Variants in CWC22 observed in about 807,000 individuals in gnomAD.
The protein encoded by CWC22 is CWC22 spliceosome associated protein.
A neutral mutation model predicts 117.2 loss-of-function variants in CWC22; 53 were observed. The ratio of observed to expected loss-of-function variants is 0.45; its 90% confidence interval spans 0.36 to 0.57. The LOEUF is 0.57. Ranked by LOEUF, CWC22 falls within the 20% of genes least tolerant of loss-of-function variation. CWC22 has a pLI of 0.00. For synonymous variants in CWC22, 360 were observed against 355.6 expected (o/e 1.01, Z -0.14); for missense variants, 980 against 1,068.8 (o/e 0.92, Z 1.16).
intron 2 of CWC22, among the ~76,000 whole-genome samples, chr2:179,988,910 TTTC>T (rs1381502991): frequency 1.3e-5 from 2 of 151,762 alleles, no homozygotes; most frequent in African/African-American, 4.8e-5. Flanking sequence ...TTATTTTTTA[TTTC>T]TTTTTATTTT....
At chr2:179,989,227 T>C (rs1040743070) in intron 2 of CWC22, among the ~76,000 whole-genome samples, 2 of 137,414 alleles carry the variant, frequency 1.5e-5, no homozygotes, top group East Asian at 4.2e-4. Flanking sequence ...ATATTTTACT[T>C]CTATGTAATA....
intron 6 of CWC22, 39 bp from the exon 7 acceptor site, chr2:179,973,841 C>A: frequency 8.0e-7 from 1 of 1,252,664 alleles, no homozygotes; most frequent in Non-Finnish European, 1.1e-6. Flanking sequence ...CAACAATAAT[C>A]ACCAAATTAA....
At chr2:179,947,260 T>C (rs1304157858) in intron 19 of CWC22, among the ~76,000 whole-genome samples, 1 of 152,176 alleles carries the variant, frequency 6.6e-6, no homozygotes, top group Non-Finnish European at 1.5e-5. Flanking sequence ...ACTAAGGACC[T>C]ATTTCTCTGG....
chr2:179,954,923 T>G (rs1200464584), intron 15 of CWC22, 34 bp downstream of exon 15: 2 of 1,225,426 alleles, frequency 1.6e-6, no homozygotes, highest in Non-Finnish European at 1.2e-6. Context: ...CAATATTCGT[T>G]TTAAGAATTC....
At position 179,973,255 on chromosome 2, in the gene CWC22, T is replaced by C; in HGVS notation, c.751-9A>G. The C allele has an allele frequency of 3.1e-6, 5 of 1,591,190 alleles. No individual in the cohort carries two copies. Among genetic ancestry groups the C allele is most frequent in the Non-Finnish European group, 4.3e-6 (5 of 1,167,262 alleles). On this transcript the variant is annotated splice_polypyrimidine_tract_variant and intron_variant, in intron 7 of 19. Coordinates refer to ENST00000410053, the MANE Select transcript of CWC22 (RefSeq NM_020943.3). The stretch of plus-strand genomic sequence containing the variant: ...GCAGTCAGGCAAAGTTGCTGAAAAA[T>C]AAAGGTGGAAAGTTAACCTATAAAC...
At chr2:179,973,356 A>G in intron 7 of CWC22, 110 bp from the exon 8 acceptor site, 1 of 749,176 alleles carries the variant, frequency 1.3e-6, no homozygotes, top group South Asian at 1.9e-5. Flanking sequence ...CCACACAAGT[A>G]TAATTTTTAC....
intron 4 of CWC22, among the ~76,000 whole-genome samples, chr2:179,983,355 C>T (rs1687332969): frequency 1.3e-5 from 2 of 152,082 alleles, no homozygotes; most frequent in African/African-American, 2.4e-5. Context: ...TAAATGAGAA[C>T]ATGTGGTATT....
chr2:179,958,560 A>G (rs1434647569), intron 14 of CWC22, among the ~76,000 whole-genome samples: 1 of 151,402 alleles, frequency 6.6e-6, no homozygotes, highest in East Asian at 1.9e-4. Context: ...TTTTTTTGCA[A>G]ATTTTTGTTT....
chr2:179,947,938 G>C (rs148387289), intron 19 of CWC22, among the ~76,000 whole-genome samples: 1 of 152,136 alleles, frequency 6.6e-6, no homozygotes, highest in African/African-American at 2.4e-5. Flanking sequence ...CCCTTATTTG[G>C]ACCAAGATAC....
chr2:179,982,180 C>T (rs1258425087), intron 4 of CWC22, among the ~76,000 whole-genome samples, 183 bp from the exon 5 acceptor site: 1 of 152,070 alleles, frequency 6.6e-6, no homozygotes. Flanking sequence ...GAAGGCTTGA[C>T]AGGATTTAGA....
At chr2:179,963,343 T>TG (rs1315602320) in intron 13 of CWC22, among the ~76,000 whole-genome samples, 1 of 130,526 alleles carries the variant, frequency 7.7e-6, no homozygotes, top group Non-Finnish European at 1.6e-5. Context: ...TACTTTTTTT[T>TG]TTTTTTTTTT....
At chr2:179,961,890 A>C (rs1686761732) in intron 13 of CWC22, among the ~76,000 whole-genome samples, 1 of 152,122 alleles carries the variant, frequency 6.6e-6, no homozygotes, top group South Asian at 2.1e-4. Flanking sequence ...GGTTTAACAC[A>C]AATTAATAGC....
chr2:179,974,814 C>T (rs890848950), intron 6 of CWC22, among the ~76,000 whole-genome samples: 11 of 152,090 alleles, frequency 7.2e-5, no homozygotes, highest in Non-Finnish European at 1.2e-4. Context: ...TGCAGTGGGG[C>T]GATCTTGGCT....
chr2:179,963,641 C>G (rs1686815422), intron 13 of CWC22, among the ~76,000 whole-genome samples: 1 of 152,104 alleles, frequency 6.6e-6, no homozygotes, highest in Admixed American at 6.5e-5. Flanking sequence ...CGCGCCCGGC[C>G]ATATTTAATA....
intron 14 of CWC22, 109 bp downstream of exon 14, chr2:179,958,913 A>C: frequency 1.7e-6 from 1 of 581,562 alleles, no homozygotes; most frequent in South Asian, 2.6e-5. Context: ...TAAAAAATAA[A>C]TATTTAGTAC....
At position 179,950,606 on chromosome 2, in the gene CWC22, T is replaced by C; in HGVS notation, c.2046A>G (p.Ser682=). The C allele has an allele frequency of 1.2e-6, 2 of 1,613,114 alleles. No homozygotes were observed. Among genetic ancestry groups the C allele is most frequent in the Non-Finnish European group, 1.7e-6 (2 of 1,179,192 alleles). ...CACTGCTGTCAGAATCAGAGTCGGATGAGTCAGACTCTGAAGAGGAGGACG... is the reference window on the plus strand; with the variant it reads ...CACTGCTGTCAGAATCAGAGTCGGACGAGTCAGACTCTGAAGAGGAGGACG... ...SSASSSSESD[S]SDSDSDSSDS... is the part of the protein sequence containing the mutation. The change falls in exon 19 of 20, where the codon TCA becomes TCG. Residue 682 remains serine (S), a synonymous_variant. Transcript: ENST00000410053.
At chr2:179,999,148 A>G (rs965684208) in intron 1 of CWC22, among the ~76,000 whole-genome samples, 16 of 152,152 alleles carry the variant, frequency 1.1e-4, no homozygotes, top group Non-Finnish European at 2.9e-5. Context: ...AAAATGAATA[A>G]AGTATTGTCA....
Position 179,970,022 on chromosome 2 carries a change from C to T in CWC22, c.1210+479G>A, listed in dbSNP as rs534676920. Reference sequence around the variant, plus strand: ...GTCCAAAGTTAGTACTTACAATATACCAATGATGTACAAATGAAAATGATC... The same window carrying T: ...GTCCAAAGTTAGTACTTACAATATATCAATGATGTACAAATGAAAATGATC... On this transcript the variant is annotated intron_variant, in intron 11 of 19. Transcript: ENST00000410053. Among the ~76,000 whole-genome samples, 3 of 152,186 alleles carry T rather than the reference C, an allele frequency of 2.0e-5. No individual in the cohort carries two copies. In the East Asian group the frequency reaches 5.8e-4, roughly 29 times the overall value.
At chr2:179,961,617 A>C (rs1327257471) in intron 13 of CWC22, among the ~76,000 whole-genome samples, 1 of 152,018 alleles carries the variant, frequency 6.6e-6, no homozygotes, top group African/African-American at 2.4e-5. Flanking sequence ...ATTAGTACTG[A>C]GACAAAATCC....
Sources: gnomAD v4.1 joint callset for allele counts (sites outside exome capture counted in the v4.1 genomes callset) on GRCh38, gnomAD v4.1.1 for gene constraint, MANE v1.5 for transcripts, NCBI Gene and HGNC (gene_info 2026-07-23, HGNC 2026-07-21) for gene names.